Variants in BBS9 observed in about 807,000 individuals in gnomAD.
The protein encoded by BBS9 is Bardet-Biedl syndrome 9.
In BBS9, 89 loss-of-function variants were observed where a neutral mutation model predicts 117.7. The ratio of observed to expected loss-of-function variants is 0.76; its 90% CI spans 0.64 to 0.90. The LOEUF (loss-of-function observed/expected upper bound fraction) is 0.90. Ranked by LOEUF, BBS9 falls within the 40% of genes least tolerant of loss-of-function variation. The pLI, the probability that BBS9 is intolerant of heterozygous loss-of-function variation, is 0.00. For missense variants in BBS9, 982 were observed against 1,042.2 expected (o/e 0.94, Z 0.80); for synonymous variants, 379 against 370.9 (o/e 1.02, Z -0.25).
intron 19 of BBS9, among the ~76,000 whole-genome samples, chr7:33,478,746 A>G (rs892275301): frequency 6.6e-6 from 1 of 152,064 alleles, no homozygotes; most frequent in African/African-American, 2.4e-5. Context: ...AACATAACTC[A>G]TTAGAGCCAG....
chr7:33,515,733 G>C (rs1847661326), intron 20 of BBS9, among the ~76,000 whole-genome samples: 1 of 152,182 alleles, frequency 6.6e-6, no homozygotes, highest in Non-Finnish European at 1.5e-5. Flanking sequence ...AGTGATCTCT[G>C]TGCGTGTCTT....
chr7:33,596,754 A>AT (rs1000829952), intron 21 of BBS9, among the ~76,000 whole-genome samples: 4 of 152,098 alleles, frequency 2.6e-5, no homozygotes, highest in African/African-American at 9.7e-5. Flanking sequence ...GTAGAAGTGC[A>AT]TACACAGAAA....
At chr7:33,485,366 G>A (rs1360140794) in intron 19 of BBS9, among the ~76,000 whole-genome samples, 1 of 146,238 alleles carries the variant, frequency 6.8e-6, no homozygotes, top group African/African-American at 2.5e-5. Context: ...CTGGAGTGCA[G>A]TGGCGCGATC....
intron 9 of BBS9, among the ~76,000 whole-genome samples, chr7:33,335,052 G>T (rs900072471): frequency 6.6e-6 from 1 of 152,162 alleles, no homozygotes; most frequent in African/African-American, 2.4e-5. Flanking sequence ...CAACCCAGTT[G>T]AGCTTTTAGA....
chr7:33,423,747 T>C (rs543385085), intron 19 of BBS9, among the ~76,000 whole-genome samples: 192 of 152,196 alleles, frequency 1.3e-3, no homozygotes, highest in South Asian at 7.7e-3. Flanking sequence ...AAACTTGAAG[T>C]CTTCTTTCAG....
intron 5 of BBS9, among the ~76,000 whole-genome samples, chr7:33,238,902 G>A (rs1174349012): frequency 6.6e-6 from 1 of 152,008 alleles, no homozygotes; most frequent in Non-Finnish European, 1.5e-5. Context: ...CCTATTAGTG[G>A]AATTGTTTCT....
chr7:33,216,822 G>A (rs114681714), intron 5 of BBS9, among the ~76,000 whole-genome samples: 2,408 of 152,282 alleles, frequency 0.016, 68 homozygotes, highest in African/African-American at 0.055. Flanking sequence ...CCAGCCGGGC[G>A]TGGTGGCTCA....
At chr7:33,260,401 C>T (rs1250073205) in intron 6 of BBS9, among the ~76,000 whole-genome samples, 1 of 152,178 alleles carries the variant, frequency 6.6e-6, no homozygotes, top group Non-Finnish European at 1.5e-5. Flanking sequence ...TTGAAGTTAA[C>T]TGGTTCAACT....
chr7:33,515,278 A>G (rs1029948247), intron 20 of BBS9, among the ~76,000 whole-genome samples: 2 of 152,216 alleles, frequency 1.3e-5, no homozygotes, highest in Non-Finnish European at 2.9e-5. Flanking sequence ...AAGCAACATA[A>G]ACTGAGTAAG....
intron 21 of BBS9, among the ~76,000 whole-genome samples, chr7:33,550,040 C>T (rs985188244): frequency 1.5e-5 from 2 of 131,572 alleles, no homozygotes; most frequent in African/African-American, 6.2e-5. Context: ...GGGATTTCTA[C>T]TGATTCATAT....
rs1316550383 is a variant in BBS9, at chr7:33,390,417, T to A, written c.2115+2273T>A. The A allele has an allele frequency of 5.1e-6, 5 of 985,156 alleles. No individual in the cohort carries two copies. In the African/African-American group the frequency reaches 8.7e-5, roughly 17 times the overall value. 61.0% of individuals were successfully genotyped at this position (985,156 alleles called of 1,614,324 possible). On this transcript the variant is annotated intron_variant, in intron 19 of 22. Transcript: ENST00000242067. The stretch of plus-strand genomic sequence containing the variant: ...ATTTGTAATATTACAGACAAGACGA[T>A]CAAAACCATGGCTTTTCACTTGAAT...
intron 11 of BBS9, among the ~76,000 whole-genome samples, chr7:33,342,980 T>G (rs1192986091): frequency 6.6e-6 from 1 of 152,186 alleles, no homozygotes; most frequent in East Asian, 1.9e-4. Context: ...AATGGAGTCT[T>G]TCTTAGAGGA....
intron 16 of BBS9, 129 bp downstream of exon 16, chr7:33,358,124 A>G: frequency 8.1e-7 from 1 of 1,227,914 alleles, no homozygotes; most frequent in Non-Finnish European, 1.2e-6. Flanking sequence ...AAATGCCTCA[A>G]GGATTTTTCC....
intron 19 of BBS9, among the ~76,000 whole-genome samples, chr7:33,490,879 C>T (rs554805696): frequency 2.6e-5 from 4 of 152,262 alleles, no homozygotes; most frequent in South Asian, 2.1e-4. Context: ...TCTTTCAAAG[C>T]GGTGTGGACA....
At chr7:33,431,433 A>G (rs1355079713) in intron 19 of BBS9, among the ~76,000 whole-genome samples, 1 of 152,180 alleles carries the variant, frequency 6.6e-6, no homozygotes, top group African/African-American at 2.4e-5. Context: ...CACCAACCCC[A>G]AATTCATATA....
chr7:33,429,561 G>C (rs1009355123), intron 19 of BBS9, among the ~76,000 whole-genome samples: 3 of 152,168 alleles, frequency 2.0e-5, no homozygotes, highest in Non-Finnish European at 2.9e-5. Flanking sequence ...GAAACAGCTA[G>C]ATCTTTACTA....
intron 6 of BBS9, among the ~76,000 whole-genome samples, chr7:33,260,074 A>G (rs1170895463): frequency 1.3e-5 from 2 of 150,162 alleles, no homozygotes; most frequent in Admixed American, 6.7e-5. Context: ...ATTTTGGCTC[A>G]CTGCAACCTC....
At chr7:33,386,907 A>G (rs1218642114) in intron 18 of BBS9, among the ~76,000 whole-genome samples, 1 of 152,164 alleles carries the variant, frequency 6.6e-6, no homozygotes, top group African/African-American at 2.4e-5. Context: ...TTTGGTGTCC[A>G]GTTTCTTGTA....
At chr7:33,324,659 C>G (rs946177842) in intron 9 of BBS9, among the ~76,000 whole-genome samples, 2 of 149,062 alleles carry the variant, frequency 1.3e-5, no homozygotes, top group African/African-American at 4.9e-5. Context: ...TAGGGCAGGT[C>G]TAGTGTTGAT....
Sources: gnomAD v4.1 joint callset for allele counts (sites outside exome capture counted in the v4.1 genomes callset) on GRCh38, gnomAD v4.1.1 for gene constraint, MANE v1.5 for transcripts, NCBI Gene and HGNC (gene_info 2026-07-23, HGNC 2026-07-21) for gene names.